The following PARVB variants were observed in gnomAD, a reference collection of about 807,000 sequenced individuals.
PARVB encodes beta-parvin.
PARVB carries 46 observed loss-of-function variants against 47.0 expected under a neutral mutation model. The ratio of observed to expected loss-of-function variants is 0.98; its 90% CI spans 0.77 to 1.25. The LOEUF is 1.25. Ranked by LOEUF, PARVB falls within the 50% of genes most tolerant of loss-of-function variation. The probability of loss-of-function intolerance (pLI) is 0.00; values close to 1 mark genes in which losing one functional copy is unlikely to be tolerated. For synonymous variants in PARVB, 196 were observed against 196.3 expected, an observed-to-expected ratio of 1.00 and a Z score of 0.01; for missense variants, 473 against 471.6, an observed-to-expected ratio of 1.00 and a Z score of -0.03.
rs9626106 is a variant in PARVB, at chr22:44,087,770, C to T, written c.113-6158C>T. Among the ~76,000 whole-genome samples the T allele has an allele frequency of 2.7e-5, 4 of 147,604 alleles. No homozygotes were observed. In the East Asian group the frequency reaches 7.8e-4, roughly 29 times the overall value. On this transcript the variant is annotated intron_variant, in intron 1 of 12. Transcript: ENST00000338758. ...GGCCTGAGGTATAAATGGCAGGCTT[C>T]TGATGACATGCTTTTAGTTTTTGAT...
At position 44,012,243 on chromosome 22, in the gene PARVB, G is replaced by A. The variant is rs550524045; in HGVS notation, c.211+12570G>A. On this transcript the variant is annotated intron_variant, in intron 2 of 13. Transcript: ENST00000406477. ...AACGCATATGTGGTTTACTCTGCCT[G>A]GTATGCAAAAAGAGAACTCGGAGGA... Among the ~76,000 whole-genome samples the A allele has an allele frequency of 1.1e-3, 165 of 152,276 alleles. 1 individual carries two copies. In the South Asian group the frequency reaches 0.023, roughly 22 times the overall value.
upstream of PARVB, among the ~76,000 whole-genome samples, chr22:44,020,309 T>C (rs1195315558): frequency 6.6e-6 from 1 of 152,064 alleles, no homozygotes; most frequent in Non-Finnish European, 1.5e-5. Flanking sequence ...CCTGAGTAGC[T>C]GGGACCCCAG....
intron 1 of PARVB, among the ~76,000 whole-genome samples, chr22:44,038,689 G>A (rs1249128317): frequency 6.6e-6 from 1 of 152,142 alleles, no homozygotes; most frequent in African/African-American, 2.4e-5. Context: ...GGCTGAGGCA[G>A]GAGAATAGCT....
At chr22:44,029,637 G>A (rs999744577) in intron 1 of PARVB, among the ~76,000 whole-genome samples, 5 of 151,848 alleles carry the variant, frequency 3.3e-5, no homozygotes, top group African/African-American at 9.7e-5. Flanking sequence ...TTAGCCAGGC[G>A]TGGTGGCTCA....
intron 6 of PARVB, among the ~76,000 whole-genome samples, chr22:44,135,184 G>C (rs2053416245): frequency 6.6e-6 from 1 of 152,252 alleles, no homozygotes; most frequent in Admixed American, 6.5e-5. Flanking sequence ...AGCCACCCAG[G>C]CTCCATCTGG....
Position 44,024,314 on chromosome 22 carries a change from C to G in PARVB, c.-26C>G. 9.9e-7 allele frequency: 1 copy of G among 1,012,426 alleles called. No individual in the cohort carries two copies. Among genetic ancestry groups the G allele is most frequent in the Non-Finnish European group, 1.2e-6 (1 of 847,942 alleles). 62.7% of individuals were successfully genotyped at this position (1,012,426 alleles called of 1,614,324 possible). Reference sequence around the variant, plus strand: ...ACCGGGCGGCTCCACACGCGCTGCGCCCGCCGCCGGCCCCACGCGCGGCCC... The same window carrying G: ...ACCGGGCGGCTCCACACGCGCTGCGGCCGCCGCCGGCCCCACGCGCGGCCC... On this transcript the variant is annotated 5_prime_UTR_variant, in exon 1 of 13. Transcript: ENST00000338758.
chr22:44,042,933 C>T lies in PARVB; in HGVS notation c.112+18482C>T, dbSNP rs566752254. Among the ~76,000 whole-genome samples, 84 of 152,140 alleles carry T rather than the reference C, an allele frequency of 5.5e-4. 1 individual carries two copies. Among genetic ancestry groups the T allele is most frequent in the African/African-American group, 1.3e-3 (55 of 41,496 alleles). On this transcript the variant is annotated intron_variant, in intron 1 of 12. Transcript: ENST00000338758. ...AGAACCAGAGAATGAGCGTTGTTAC[C>T]GAAGGAGACTTGTGTTTGTTTAAGG...
intron 4 of PARVB, among the ~76,000 whole-genome samples, chr22:44,127,847 G>C (rs552389121): frequency 7.5e-6 from 1 of 132,992 alleles, no homozygotes; most frequent in Middle Eastern, 3.8e-3. Context: ...GTGCAGTGGC[G>C]TGATCACAGC....
At position 44,024,383 on chromosome 22, in the gene PARVB, TGAA is replaced by T. The variant is rs755661967; in HGVS notation, c.49_51del (p.Lys17del). The T allele has an allele frequency of 8.2e-5, 101 of 1,235,700 alleles. No homozygotes were observed. In the East Asian group the frequency reaches 2.6e-3, roughly 32 times the overall value. 76.5% of individuals were successfully genotyped at this position (1,235,700 alleles called of 1,614,324 possible). A position where few individuals can be genotyped will look rare whatever the true frequency, so the allele number is the denominator to read the frequency against. On this transcript the variant is annotated inframe_deletion, in exon 1 of 13. Transcript: ENST00000338758. ...TCGCCCACCCCGCGGCCCCGCAGGA[TGAA>T]GAAGGACGAGTCGTTCCTGGGCAAG...
At chr22:44,118,509 T>C (rs1342125419) in intron 3 of PARVB, among the ~76,000 whole-genome samples, 1 of 152,160 alleles carries the variant, frequency 6.6e-6, no homozygotes, top group Non-Finnish European at 1.5e-5. Context: ...TTTGCTGTCC[T>C]GGGTTAGGGT....
chr22:44,081,833 C>T (rs987408287), intron 1 of PARVB, among the ~76,000 whole-genome samples: 1 of 152,122 alleles, frequency 6.6e-6, no homozygotes, highest in Non-Finnish European at 1.5e-5. Flanking sequence ...CACACCCTGC[C>T]CCCACCTTCT....
chr22:44,050,491 C>T (rs905477732), intron 1 of PARVB, among the ~76,000 whole-genome samples: 1 of 152,050 alleles, frequency 6.6e-6, no homozygotes, highest in African/African-American at 2.4e-5. Context: ...TTACAGGTGC[C>T]TGCCACCATG....
intron 3 of PARVB, among the ~76,000 whole-genome samples, chr22:44,116,439 G>A (rs1293728090): frequency 1.3e-5 from 2 of 152,224 alleles, no homozygotes; most frequent in African/African-American, 2.4e-5. Context: ...GTGGGCGTCC[G>A]TGTGTCTCTT....
chr22:44,132,893 G>A lies in PARVB; in HGVS notation c.518-1G>A, dbSNP rs759202645. ...GTCTCCCTTCCTCCTTCCTCCTGCAGCAATTCACGGGAAGAACCTGGTGGC... is the reference window on the plus strand; with the variant it reads ...GTCTCCCTTCCTCCTTCCTCCTGCAACAATTCACGGGAAGAACCTGGTGGC... On this transcript the variant is annotated splice_acceptor_variant, in intron 5 of 12. Coordinates refer to ENST00000338758, the MANE Select transcript of PARVB (RefSeq NM_013327.5). LOFTEE classifies it high-confidence loss of function. The A allele has an allele frequency of 3.1e-6, 5 of 1,608,986 alleles. No individual in the cohort carries two copies. In the East Asian group the frequency reaches 8.9e-5, roughly 29 times the overall value.
At chr22:44,116,236 A>T (rs1423317442) in intron 3 of PARVB, 2 of 152,186 alleles carry the variant, frequency 1.3e-5, no homozygotes, top group Non-Finnish European at 2.9e-5. Flanking sequence ...TTTCTTCATG[A>T]TTCGATCAGG....
intron 1 of PARVB, among the ~76,000 whole-genome samples, chr22:44,091,274 CTTTTTT>C (rs3083368): frequency 1.1e-5 from 1 of 90,754 alleles, no homozygotes; most frequent in South Asian, 3.7e-4. Context: ...AGAGGGCCTG[CTTTTTT>C]TTTTTTTTTT....
chr22:44,030,588 C>T (rs557837069), intron 1 of PARVB, among the ~76,000 whole-genome samples: 31 of 151,964 alleles, frequency 2.0e-4, no homozygotes, highest in African/African-American at 6.5e-4. Context: ...AATGGGGGAA[C>T]GGCGGGGAGG....
At chr22:44,009,332 A>C in intron 2 of PARVB, 1 of 152,236 alleles carries the variant, frequency 6.6e-6, no homozygotes, top group East Asian at 1.9e-4. Flanking sequence ...CTTTTATGTC[A>C]GACTGAGTTT....
intron 2 of PARVB, among the ~76,000 whole-genome samples, chr22:44,017,272 A>G (rs1351805347): frequency 6.6e-6 from 1 of 152,212 alleles, no homozygotes; most frequent in African/African-American, 2.4e-5. Context: ...TCTCTAGACA[A>G]AGAGGTGCAA....
Sources: gnomAD v4.1 joint callset for allele counts (sites outside exome capture counted in the v4.1 genomes callset) on GRCh38, gnomAD v4.1.1 for gene constraint, MANE v1.5 for transcripts, NCBI Gene and HGNC (gene_info 2026-07-23, HGNC 2026-07-21) for gene names.